EYS: variants seen among roughly 807,000 people sequenced by gnomAD.
EYS encodes protein eyes shut homolog.
EYS carries 250 observed loss-of-function variants against 282.1 expected under a neutral mutation model. The ratio of observed to expected loss-of-function variants is 0.89; its 90% confidence interval spans 0.80 to 0.98. EYS has a LOEUF of 0.98. Among genes scored for constraint, EYS ranks in the 50% least tolerant of loss-of-function variants. The pLI, the probability that EYS is intolerant of heterozygous loss-of-function variation, is 0.00. For synonymous variants in EYS, 1,355 were observed against 1,282.9 expected (o/e 1.06, Z -1.20); for missense variants, 4,016 against 3,709.0 (o/e 1.08, Z -2.15).
Position 64,813,593 on chromosome 6 carries a change from G to A in EYS, c.3244-16C>T. 2 of 1,497,392 alleles carry A rather than the reference G, an allele frequency of 1.3e-6. No individual in the cohort carries two copies. Among genetic ancestry groups the A allele is most frequent in the Non-Finnish European group, 1.8e-6 (2 of 1,109,686 alleles). 92.8% of individuals were successfully genotyped at this position (1,497,392 alleles called of 1,614,324 possible). On this transcript the variant is annotated splice_polypyrimidine_tract_variant and intron_variant, in intron 21 of 42. Coordinates refer to ENST00000503581, the MANE Select transcript of EYS (RefSeq NM_001142800.2). ...ATGTGCAGTCCTAGATTAAGAAATA[G>A]AGAATCAAATTTGATTATTAGTATA...
intron 5 of EYS, among the ~76,000 whole-genome samples, chr6:65,421,259 T>C (rs1767444707): frequency 6.6e-6 from 1 of 151,840 alleles, no homozygotes; most frequent in African/African-American, 2.4e-5. Flanking sequence ...AGATCAGGAA[T>C]TCCTGCTTCA....
chr6:64,913,456 T>C (rs562832198), intron 15 of EYS, among the ~76,000 whole-genome samples: 16 of 152,222 alleles, frequency 1.1e-4, no homozygotes, highest in Admixed American at 5.2e-4. Context: ...TCCATCTTTA[T>C]GTCCATGTAT....
At chr6:64,932,409 A>G (rs918879256) in intron 15 of EYS, among the ~76,000 whole-genome samples, 3 of 152,120 alleles carry the variant, frequency 2.0e-5, no homozygotes, top group Non-Finnish European at 4.4e-5. Flanking sequence ...GAATTTGTTA[A>G]AAATAATCAG....
intron 8 of EYS, among the ~76,000 whole-genome samples, chr6:65,380,934 G>A (rs1765586984): frequency 6.6e-6 from 1 of 152,134 alleles, no homozygotes; most frequent in Admixed American, 6.6e-5. Context: ...TCTCATGCCA[G>A]TTAGAATGAT....
rs143379759 is a variant in EYS, at chr6:64,557,958, T to C, written c.5644+32265A>G. 1.4e-3 allele frequency among the ~76,000 whole-genome samples: 214 copies of C among 152,206 alleles called. 1 individual carries two copies. Among genetic ancestry groups the C allele is most frequent in the African/African-American group, 5.0e-3 (206 of 41,564 alleles). ...GTTCTTTTACAGACCTGTCAGCCTC[T>C]GCACTGCTCATATAGGCACCATAGG... is the stretch of plus-strand genomic sequence containing the variant. On this transcript the variant is annotated intron_variant, in intron 26 of 42. Transcript: ENST00000503581.
At chr6:65,673,321 G>A (rs934754979) in intron 1 of EYS, among the ~76,000 whole-genome samples, 1 of 152,002 alleles carries the variant, frequency 6.6e-6, no homozygotes, top group African/African-American at 2.4e-5. Context: ...TAAGCCGAAG[G>A]AAGATTTTGT....
At chr6:65,391,741 C>T (rs1464923728) in intron 7 of EYS, among the ~76,000 whole-genome samples, 1 of 152,084 alleles carries the variant, frequency 6.6e-6, no homozygotes, top group Non-Finnish European at 1.5e-5. Flanking sequence ...AATGGCCATA[C>T]TGCCCAAGGT....
chr6:65,641,728 A>C (rs1477265904), intron 1 of EYS, among the ~76,000 whole-genome samples: 2 of 152,158 alleles, frequency 1.3e-5, no homozygotes, highest in Admixed American at 6.5e-5. Context: ...ATGAATTTTT[A>C]ATTTATTAAA....
In EYS at chr6:63,720,455, T is replaced by C. The variant is rs1582138886; in HGVS notation, c.*141A>G. On this transcript the variant is annotated 3_prime_UTR_variant, in exon 43 of 43. Transcript: ENST00000503581. ...GAACCTTCAGTGACATTTTACAATCTTATCAAAAAGATATGTTAGCATTTA... is the reference window on the plus strand; with the variant it reads ...GAACCTTCAGTGACATTTTACAATCCTATCAAAAAGATATGTTAGCATTTA... The C allele has an allele frequency of 1.7e-6, 1 of 605,828 alleles. No homozygotes were observed. Among genetic ancestry groups the C allele is most frequent in the East Asian group, 3.0e-5 (1 of 33,102 alleles). The allele number at this position is 605,828 out of a possible 1,614,324, so 37.5% of individuals were successfully genotyped here. A position where few individuals can be genotyped will look rare whatever the true frequency, so the allele number is the denominator to read the frequency against.
At chr6:64,279,768 T>C (rs1768239333) in intron 30 of EYS, among the ~76,000 whole-genome samples, 1 of 152,218 alleles carries the variant, frequency 6.6e-6, no homozygotes, top group African/African-American at 2.4e-5. Context: ...TTTTTCTCTT[T>C]TGTCCTTTTG....
At chr6:65,597,128 T>G (rs1246141777) in intron 2 of EYS, among the ~76,000 whole-genome samples, 1 of 152,100 alleles carries the variant, frequency 6.6e-6, no homozygotes, top group African/African-American at 2.4e-5. Flanking sequence ...GTTATAATAT[T>G]TTTAAAAATG....
At chr6:65,697,654 A>T (rs2149849384) in intron 1 of EYS, among the ~76,000 whole-genome samples, 1 of 150,858 alleles carries the variant, frequency 6.6e-6, no homozygotes, top group East Asian at 2.0e-4. Context: ...TTACCAAACG[A>T]TTGGGTCCGA....
At chr6:64,790,664 T>C (rs1774161193) in intron 22 of EYS, among the ~76,000 whole-genome samples, 1 of 151,878 alleles carries the variant, frequency 6.6e-6, no homozygotes, top group Non-Finnish European at 1.5e-5. Flanking sequence ...TTGGTTTCAT[T>C]AAGGCCAAAT....
intron 31 of EYS, among the ~76,000 whole-genome samples, chr6:64,107,612 G>C (rs367878546): frequency 6.6e-6 from 1 of 151,902 alleles, no homozygotes; most frequent in Non-Finnish European, 1.5e-5. Context: ...ATCTCCTTTG[G>C]CAGCACCTTC....
In EYS at chr6:64,370,335, G is replaced by A. The variant is rs139507466; in HGVS notation, c.6078+18355C>T. Among the ~76,000 whole-genome samples, 228 of 152,170 alleles carry A rather than the reference G, an allele frequency of 1.5e-3. 1 individual carries two copies. The highest frequency in any genetic ancestry group is 5.0e-3 in the African/African-American group (208 of 41,538). On this transcript the variant is annotated intron_variant, in intron 29 of 42. Coordinates refer to ENST00000503581, the MANE Select transcript of EYS (RefSeq NM_001142800.2). ...TGGTGAATCACATTTATTGATTTGTGTATGCTAAACCAACCTTGCATTCCA... is the reference window on the plus strand; with the variant it reads ...TGGTGAATCACATTTATTGATTTGTATATGCTAAACCAACCTTGCATTCCA...
intron 19 of EYS, among the ~76,000 whole-genome samples, chr6:64,870,980 G>C (rs576128617): frequency 6.6e-6 from 1 of 151,864 alleles, no homozygotes; most frequent in Non-Finnish European, 1.5e-5. Context: ...CACTGTGGAA[G>C]TCTCAGAAGA....
At chr6:64,888,767 A>T (rs913856892) in intron 18 of EYS, among the ~76,000 whole-genome samples, 2 of 152,064 alleles carry the variant, frequency 1.3e-5, no homozygotes, top group Admixed American at 6.6e-5. Flanking sequence ...ATGTCTTACT[A>T]AAATCAAGAT....
chr6:64,340,925 C>T (rs1316644784), intron 29 of EYS, among the ~76,000 whole-genome samples: 1 of 151,822 alleles, frequency 6.6e-6, no homozygotes, highest in Non-Finnish European at 1.5e-5. Context: ...AGACACTTCT[C>T]AAAAGAAGAC....
intron 33 of EYS, among the ~76,000 whole-genome samples, chr6:64,062,664 C>G (rs1346683916): frequency 7.0e-6 from 1 of 143,472 alleles, no homozygotes; most frequent in Non-Finnish European, 1.5e-5. Context: ...GCACTCCAAC[C>G]TGGGGGACAA....
Sources: gnomAD v4.1 joint callset for allele counts (sites outside exome capture counted in the v4.1 genomes callset) on GRCh38, gnomAD v4.1.1 for gene constraint, MANE v1.5 for transcripts, NCBI Gene and HGNC (gene_info 2026-07-23, HGNC 2026-07-21) for gene names.